Variants in HECW2 observed in about 807,000 individuals in gnomAD.
The protein encoded by HECW2 is E3 ubiquitin-protein ligase HECW2.
Under a neutral mutation model 175.2 loss-of-function variants are expected in HECW2, and 61 were observed. The observed-to-expected ratio is 0.35, with a 90% confidence interval of 0.28 to 0.43. The LOEUF (loss-of-function observed/expected upper bound fraction) is 0.43. Among genes scored for constraint, HECW2 ranks in the 20% least tolerant of loss-of-function variants. The probability of loss-of-function intolerance (pLI) is 1.00; values close to 1 mark genes in which losing one functional copy is unlikely to be tolerated. For synonymous variants in HECW2, 671 were observed against 731.0 expected (o/e 0.92, Z 1.32); for missense variants, 1,524 against 2,000.5 (o/e 0.76, Z 4.54).
chr2:196,357,952 T>C (rs1311906690), intron 2 of HECW2, among the ~76,000 whole-genome samples: 1 of 152,202 alleles, frequency 6.6e-6, no homozygotes, highest in Non-Finnish European at 1.5e-5. Flanking sequence ...TTCTTTATAG[T>C]AGTGTGAAAT....
intron 1 of HECW2, among the ~76,000 whole-genome samples, chr2:196,462,179 A>T (rs1320718492): frequency 6.6e-6 from 1 of 152,182 alleles, no homozygotes; most frequent in Admixed American, 6.5e-5. Flanking sequence ...ATAATAATAA[A>T]ACCTGGATTG....
chr2:196,414,728 G>A (rs1695207086), intron 2 of HECW2, among the ~76,000 whole-genome samples: 1 of 152,132 alleles, frequency 6.6e-6, no homozygotes, highest in Non-Finnish European at 1.5e-5. Context: ...AGGAGTAACA[G>A]TGCCCCAACA....
At chr2:196,320,062 G>T in intron 8 of HECW2, 158 bp from the exon 9 acceptor site, 1 of 754,770 alleles carries the variant, frequency 1.3e-6, no homozygotes, top group Non-Finnish European at 2.1e-6. Flanking sequence ...TAAATGAGGA[G>T]ACTGCTAGTC....
At position 196,228,269 on chromosome 2, in the gene HECW2, C is replaced by A. The variant is rs1388984127; in HGVS notation, c.3765-15G>T. 6.3e-7 allele frequency: 1 copy of A among 1,582,672 alleles called. No homozygotes were observed. ...TGTAATCCAGCCTGTAACAAAAATC[C>A]ACAAAAAGAATAATCTGTTACTTTT... is the stretch of plus-strand genomic sequence containing the variant. On this transcript the variant is annotated splice_polypyrimidine_tract_variant and intron_variant, in intron 21 of 28. Transcript: ENST00000644978.
intron 1 of HECW2, among the ~76,000 whole-genome samples, chr2:196,562,823 C>G (rs1332694541): frequency 6.6e-6 from 1 of 152,110 alleles, no homozygotes; most frequent in African/African-American, 2.4e-5. Context: ...GCAGAAGGAT[C>G]ACTTGAGCCC....
chr2:196,497,081 G>A (rs562611335), intron 1 of HECW2, among the ~76,000 whole-genome samples: 2 of 152,268 alleles, frequency 1.3e-5, no homozygotes, highest in South Asian at 2.1e-4. Context: ...GAGCCCAAAG[G>A]AGGGAGAAAG....
intron 2 of HECW2, among the ~76,000 whole-genome samples, chr2:196,347,870 A>C (rs955323087): frequency 4.6e-5 from 7 of 152,250 alleles, no homozygotes; most frequent in African/African-American, 1.7e-4. Flanking sequence ...ATAATTCATT[A>C]TCCTTGACAG....
At chr2:196,307,839 A>G in intron 11 of HECW2, 96 bp downstream of exon 11, 1 of 1,199,146 alleles carries the variant, frequency 8.3e-7, no homozygotes, top group East Asian at 2.6e-5. Flanking sequence ...CAGGACACAC[A>G]AAGATCAAAG....
chr2:196,396,895 A>T (rs1283888152), intron 2 of HECW2, among the ~76,000 whole-genome samples: 2 of 152,000 alleles, frequency 1.3e-5, no homozygotes, highest in Non-Finnish European at 2.9e-5. Flanking sequence ...ACGGATCACG[A>T]GGTCAGGAGA....
At chr2:196,556,201 G>A (rs1689787566) in intron 1 of HECW2, among the ~76,000 whole-genome samples, 3 of 152,090 alleles carry the variant, frequency 2.0e-5, no homozygotes, top group South Asian at 2.1e-4. Context: ...TATATTTAAA[G>A]AGTACATGAT....
At chr2:196,203,441 CA>C (rs1686943665) in intron 28 of HECW2, among the ~76,000 whole-genome samples, 1 of 152,178 alleles carries the variant, frequency 6.6e-6, no homozygotes, top group Admixed American at 6.5e-5. Flanking sequence ...ATCTCTGTTC[CA>C]GGGGTAGGGG....
chr2:196,392,381 G>A (rs1041818324), intron 2 of HECW2, among the ~76,000 whole-genome samples: 3 of 152,162 alleles, frequency 2.0e-5, no homozygotes, highest in Non-Finnish European at 4.4e-5. Flanking sequence ...TGCCAGGGCT[G>A]TGTAACCTAT....
chr2:196,535,218 A>G (rs1688981057), intron 1 of HECW2, among the ~76,000 whole-genome samples: 1 of 152,188 alleles, frequency 6.6e-6, no homozygotes, highest in Non-Finnish European at 1.5e-5. Flanking sequence ...AAGCTGGCAA[A>G]GACTCCAAAT....
intron 2 of HECW2, among the ~76,000 whole-genome samples, chr2:196,410,771 T>TTATA (rs1476690909): frequency 6.6e-6 from 1 of 152,146 alleles, no homozygotes; most frequent in Non-Finnish European, 1.5e-5. Flanking sequence ...AAAATGTTCA[T>TTATA]TATTCAACAC....
In HECW2 at chr2:196,319,663, G is replaced by A. The variant is rs373807793; in HGVS notation, c.1227C>T (p.Pro409=). The A allele has an allele frequency of 3.1e-6, 5 of 1,614,216 alleles. No homozygotes were observed. Among genetic ancestry groups the A allele is most frequent in the Non-Finnish European group, 4.2e-6 (5 of 1,180,034 alleles). ...LTSTSSRTSP[P]RGRQDSLNDY... ...CATTGAGTGAATCCTGACGTCCTCT[G>A]GGAGGTGAGGTCCTTGAAGACGTAG... Residue 409 remains proline (P), a synonymous_variant, in exon 9 of 29, where the codon CCC becomes CCT. Transcript: ENST00000644978.
intron 19 of HECW2, 63 bp from the exon 20 acceptor site, chr2:196,242,267 C>T: frequency 6.3e-7 from 1 of 1,595,318 alleles, no homozygotes; most frequent in South Asian, 1.1e-5. Context: ...TTCATCACAT[C>T]ACCATGGACA....
intron 13 of HECW2, among the ~76,000 whole-genome samples, chr2:196,300,633 T>C (rs1691008576): frequency 6.6e-6 from 1 of 152,220 alleles, no homozygotes; most frequent in Non-Finnish European, 1.5e-5. Flanking sequence ...TACTATTATT[T>C]GTAAATTATA....
intron 2 of HECW2, among the ~76,000 whole-genome samples, chr2:196,371,675 T>C: frequency 6.6e-6 from 1 of 152,250 alleles, no homozygotes; most frequent in African/African-American, 2.4e-5. Context: ...CCATTTCTTT[T>C]TCTACTAGCT....
intron 2 of HECW2, chr2:196,362,214 G>A (rs1345768775): frequency 1.5e-5 from 15 of 985,028 alleles, no homozygotes; most frequent in Admixed American, 6.2e-5. Flanking sequence ...TGAGGCAGTC[G>A]TGGCCACACC....
Sources: gnomAD v4.1 joint callset for allele counts (sites outside exome capture counted in the v4.1 genomes callset) on GRCh38, gnomAD v4.1.1 for gene constraint, MANE v1.5 for transcripts, NCBI Gene and HGNC (gene_info 2026-07-23, HGNC 2026-07-21) for gene names.